Variants in DAB1 observed in about 807,000 individuals in gnomAD.
DAB1 encodes disabled homolog 1.
In DAB1, 15 loss-of-function variants were observed where a neutral mutation model predicts 64.6. The ratio of observed to expected loss-of-function variants is 0.23; its 90% CI spans 0.16 to 0.36. The LOEUF is 0.36. Ranked by LOEUF, DAB1 falls within the 10% of genes least tolerant of loss-of-function variation. The probability of loss-of-function intolerance (pLI) is 1.00; values close to 1 mark genes in which losing one functional copy is unlikely to be tolerated. For synonymous variants in DAB1, 235 were observed against 251.9 expected, an observed-to-expected ratio of 0.93 and a Z score of 0.64; for missense variants, 596 against 706.7, an observed-to-expected ratio of 0.84 and a Z score of 1.78.
At chr1:57,482,152 C>G (rs1644029129) in intron 7 of DAB1, among the ~76,000 whole-genome samples, 1 of 151,738 alleles carries the variant, frequency 6.6e-6, no homozygotes, top group Admixed American at 6.6e-5. Flanking sequence ...TTACTTTTTC[C>G]CCTTCAGACA....
intron 3 of DAB1, among the ~76,000 whole-genome samples, chr1:58,373,319 C>G (rs1222852777): frequency 8.4e-6 from 1 of 119,360 alleles, no homozygotes; most frequent in African/African-American, 2.6e-5. Flanking sequence ...CTATCCCTCC[C>G]CACTCCCCCC....
chr1:57,902,294 C>T (rs1413122370), intron 5 of DAB1, among the ~76,000 whole-genome samples: 1 of 151,738 alleles, frequency 6.6e-6, no homozygotes, highest in African/African-American at 2.4e-5. Context: ...TCTCTATATA[C>T]CTTTTCTATA....
intron 6 of DAB1, among the ~76,000 whole-genome samples, chr1:57,790,638 G>A (rs946622371): frequency 6.6e-6 from 1 of 152,124 alleles, no homozygotes; most frequent in Admixed American, 6.5e-5. Flanking sequence ...GGAGGGGCAG[G>A]TATGACATCT....
intron 4 of DAB1, among the ~76,000 whole-genome samples, chr1:58,319,849 C>G (rs1662642766): frequency 6.6e-6 from 1 of 152,196 alleles, no homozygotes; most frequent in Non-Finnish European, 1.5e-5. Context: ...TTGTAACTTT[C>G]TCTAATATTT....
rs201974535 is a variant in DAB1, at chr1:57,015,325, C to A, written c.1002G>T (p.Pro334=). ...GGCCCCATGCGATGGGCTGAGCCCC[C>A]GGCATCACCTGAGCGACTGGTGGCT... ...GAQPPVAQVM[P]GAQPIAWGQP... Residue 334 remains proline (P), a synonymous_variant, in exon 12 of 15, where the codon CCG becomes CCT. Transcript: ENST00000371236. 1 of 1,614,042 alleles carries A rather than the reference C, an allele frequency of 6.2e-7. No homozygotes were observed. Among genetic ancestry groups the A allele is most frequent in the Non-Finnish European group, 8.5e-7 (1 of 1,180,018 alleles).
intron 1 of DAB1, among the ~76,000 whole-genome samples, chr1:57,309,700 G>C (rs990995198): frequency 3.3e-5 from 5 of 151,962 alleles, no homozygotes; most frequent in African/African-American, 1.2e-4. Context: ...TTCTAGTAAA[G>C]AGCTCTACTC....
chr1:57,726,809 T>A (rs1647217926), intron 6 of DAB1, among the ~76,000 whole-genome samples: 1 of 152,216 alleles, frequency 6.6e-6, no homozygotes, highest in South Asian at 2.1e-4. Flanking sequence ...GCAACCTGGC[T>A]GCCAAGTTCA....
At chr1:58,121,471 C>T (rs541618757) in intron 5 of DAB1, among the ~76,000 whole-genome samples, 1 of 152,248 alleles carries the variant, frequency 6.6e-6, no homozygotes, top group South Asian at 2.1e-4. Flanking sequence ...ATTTCCCCTA[C>T]CACCTAAGTA....
At chr1:58,156,097 T>A (rs1655211579) in intron 4 of DAB1, among the ~76,000 whole-genome samples, 1 of 152,240 alleles carries the variant, frequency 6.6e-6, no homozygotes, top group Non-Finnish European at 1.5e-5. Context: ...ATTTCACTCA[T>A]CAACAGTGTT....
intron 3 of DAB1, among the ~76,000 whole-genome samples, chr1:58,449,861 A>C (rs1233763601): frequency 3.9e-5 from 6 of 152,212 alleles, no homozygotes; most frequent in Admixed American, 3.9e-4. Flanking sequence ...TTTGTAGCCC[A>C]AGAATTTTTT....
At chr1:57,181,218 G>A (rs1662893151) in intron 2 of DAB1, among the ~76,000 whole-genome samples, 1 of 152,066 alleles carries the variant, frequency 6.6e-6, no homozygotes, top group Admixed American at 6.5e-5. Context: ...ATCCAGTGGT[G>A]TAAATAAAAT....
intron 2 of DAB1, among the ~76,000 whole-genome samples, chr1:57,148,582 C>A (rs7539364): frequency 6.6e-6 from 1 of 152,038 alleles, no homozygotes; most frequent in Non-Finnish European, 1.5e-5. Flanking sequence ...ACCATGAATC[C>A]CAGACTATGT....
At chr1:57,707,220 T>G (rs1646978410) in intron 6 of DAB1, among the ~76,000 whole-genome samples, 1 of 152,186 alleles carries the variant, frequency 6.6e-6, no homozygotes, top group South Asian at 2.1e-4. Context: ...TCTCTATAAT[T>G]TTGTCATTTT....
At chr1:58,328,430 T>A (rs111665842) in intron 4 of DAB1, among the ~76,000 whole-genome samples, 87 of 152,316 alleles carry the variant, frequency 5.7e-4, no homozygotes, top group African/African-American at 1.9e-3. Context: ...TCCAGCAGCA[T>A]CGGCTTGACT....
chr1:57,154,659 A>G (rs1248753593), intron 2 of DAB1, among the ~76,000 whole-genome samples: 11 of 152,236 alleles, frequency 7.2e-5, no homozygotes, highest in Non-Finnish European at 1.5e-4. Context: ...TATTCTCACC[A>G]ACAGTGTACA....
chr1:58,269,284 G>C (rs948547595), intron 4 of DAB1, among the ~76,000 whole-genome samples: 2 of 151,426 alleles, frequency 1.3e-5, no homozygotes, highest in African/African-American at 4.9e-5. Context: ...TTGTTCTTGT[G>C]ATAGTTTACT....
At chr1:57,156,988 C>T (rs1660283497) in intron 2 of DAB1, among the ~76,000 whole-genome samples, 1 of 152,090 alleles carries the variant, frequency 6.6e-6, no homozygotes, top group Non-Finnish European at 1.5e-5. Flanking sequence ...AAATCAAATG[C>T]CTCTGTCAGG....
intron 5 of DAB1, among the ~76,000 whole-genome samples, chr1:57,936,965 T>C (rs1470095493): frequency 2.0e-5 from 3 of 152,026 alleles, no homozygotes; most frequent in Non-Finnish European, 4.4e-5. Context: ...TGTTCTCACC[T>C]CAGGGCCTTT....
intron 14 of DAB1, among the ~76,000 whole-genome samples, chr1:57,010,122 G>C (rs535289301): frequency 3.3e-5 from 5 of 152,258 alleles, no homozygotes; most frequent in Admixed American, 2.0e-4. Context: ...TGGCTTCTCT[G>C]TGTGTTTGAT....
Sources: allele counts gnomAD v4.1 joint callset (sites outside exome capture counted in the v4.1 genomes callset), GRCh38; gene constraint gnomAD v4.1.1; transcripts MANE v1.5; gene names NCBI Gene and HGNC (gene_info 2026-07-23, HGNC 2026-07-21).